Variants in EPB41L2 observed in about 807,000 individuals in gnomAD.
EPB41L2 encodes erythrocyte membrane protein band 4.1 like 2.
Under a neutral mutation model 113.0 loss-of-function variants are expected in EPB41L2, and 43 were observed. The observed-to-expected ratio is 0.38, with a 90% confidence interval of 0.30 to 0.49. EPB41L2 has a LOEUF of 0.49. Among genes scored for constraint, EPB41L2 ranks in the 20% least tolerant of loss-of-function variants. The probability of loss-of-function intolerance (pLI) is 0.95; values close to 1 mark genes in which losing one functional copy is unlikely to be tolerated. For missense variants in EPB41L2, 1,147 were observed against 1,223.4 expected (o/e 0.94, Z 0.93); for synonymous variants, 442 against 436.7 (o/e 1.01, Z -0.15).
At chr6:130,961,825 T>C (rs947723008) in intron 1 of EPB41L2, among the ~76,000 whole-genome samples, 1 of 152,270 alleles carries the variant, frequency 6.6e-6, no homozygotes, top group South Asian at 2.1e-4. Flanking sequence ...GGATCCAAGA[T>C]TCACAAAATG....
intron 14 of EPB41L2, among the ~76,000 whole-genome samples, chr6:130,872,786 T>C (rs914431814): frequency 9.2e-5 from 14 of 152,208 alleles, no homozygotes; most frequent in African/African-American, 3.4e-4. Flanking sequence ...ACTGCTTGGC[T>C]GATCACCAAC....
Position 130,956,018 on chromosome 6 carries a change from G to A in EPB41L2, c.468C>T (p.Pro156=), listed in dbSNP as rs1817324243. The change falls in exon 2 of 20, where the codon CCC becomes CCT. Residue 156 remains proline (P), a synonymous_variant. Coordinates refer to ENST00000337057, the MANE Select transcript of EPB41L2 (RefSeq NM_001431.4). ...CCTGCATCTCCACTTTGCTCACTGA[G>A]GGTTTTTCTTCCTTGCTCACTGAGG... is the stretch of plus-strand genomic sequence containing the variant. ...EKPSVSKEEK[P]SVSKVEMQPT... 2 of 1,612,364 alleles carry A rather than the reference G, an allele frequency of 1.2e-6. No homozygotes were observed. The highest frequency in any genetic ancestry group is 1.3e-5 in the African/African-American group (1 of 74,720).
intron 1 of EPB41L2, among the ~76,000 whole-genome samples, chr6:131,055,798 T>C (rs1197306320): frequency 6.6e-6 from 1 of 151,958 alleles, no homozygotes; most frequent in Non-Finnish European, 1.5e-5. Flanking sequence ...ATATGTAAAG[T>C]ACCAATTATA....
In EPB41L2 at chr6:131,036,831, T is replaced by C. The variant is rs150812164; in HGVS notation, c.-15+26324A>G. On this transcript the variant is annotated intron_variant, in intron 1 of 19. Transcript: ENST00000337057. ...GGTTAACTAATAGGACATCTGAGAATAGGCCAGAAGTGATGAGACAGAATT... is the reference window on the plus strand; with the variant it reads ...GGTTAACTAATAGGACATCTGAGAACAGGCCAGAAGTGATGAGACAGAATT... Among the ~76,000 whole-genome samples the C allele has an allele frequency of 1.4e-3, 209 of 152,278 alleles. 2 individuals are homozygous for C. The highest frequency in any genetic ancestry group is 4.7e-3 in the African/African-American group (196 of 41,572).
chr6:130,954,070 T>G (rs1227266071), intron 3 of EPB41L2, among the ~76,000 whole-genome samples: 1 of 116,600 alleles, frequency 8.6e-6, no homozygotes, highest in African/African-American at 3.7e-5. Flanking sequence ...TTTTTTTTTT[T>G]GAGACGGAGT....
At chr6:130,977,470 C>T (rs1486934441) in intron 1 of EPB41L2, among the ~76,000 whole-genome samples, 2 of 152,048 alleles carry the variant, frequency 1.3e-5, no homozygotes, top group Non-Finnish European at 2.9e-5. Flanking sequence ...AGGGGAGACA[C>T]ACTGTTAAGG....
intron 1 of EPB41L2, among the ~76,000 whole-genome samples, chr6:131,014,796 G>C (rs1263772682): frequency 6.6e-6 from 1 of 152,198 alleles, no homozygotes; most frequent in Non-Finnish European, 1.5e-5. Context: ...TTTTCAGTCA[G>C]AGTCCAACAT....
At chr6:130,908,734 G>T in intron 5 of EPB41L2, 87 bp downstream of exon 5, 1 of 1,035,936 alleles carries the variant, frequency 9.7e-7, no homozygotes, top group Non-Finnish European at 1.4e-6. Flanking sequence ...ATGCAAAATA[G>T]AACTGACCAT....
chr6:130,978,444 A>G (rs753967565), intron 1 of EPB41L2, among the ~76,000 whole-genome samples: 8 of 152,314 alleles, frequency 5.3e-5, no homozygotes, highest in Non-Finnish European at 1.0e-4. Flanking sequence ...TTAGCTCTCC[A>G]TAATTTGAGA....
Position 131,042,652 on chromosome 6 carries a change from G to C in EPB41L2, c.-15+20503C>G, listed in dbSNP as rs951662154. On this transcript the variant is annotated intron_variant, in intron 1 of 19. Transcript: ENST00000337057. ...CACTTTTATCCTTCTACTTCTAACT[G>C]TCAAGGAAGAAGAGGGGGAAAAAAA... 2.8e-5 allele frequency among the ~76,000 whole-genome samples: 4 copies of C among 144,868 alleles called. No homozygotes were observed. In the East Asian group the frequency reaches 7.8e-4, roughly 28 times the overall value.
At chr6:130,842,528 G>C (rs956500492) in intron 19 of EPB41L2, among the ~76,000 whole-genome samples, 1 of 151,854 alleles carries the variant, frequency 6.6e-6, no homozygotes, top group African/African-American at 2.4e-5. Context: ...ATTTTGCCTA[G>C]TTTATGTTAT....
chr6:130,843,493 G>A (rs1022440606), intron 19 of EPB41L2, among the ~76,000 whole-genome samples: 1 of 152,062 alleles, frequency 6.6e-6, no homozygotes, highest in Non-Finnish European at 1.5e-5. Flanking sequence ...AATACAAATT[G>A]GCAGGCATTA....
In EPB41L2 at chr6:130,900,993, C is replaced by G; in HGVS notation, c.1117G>C (p.Glu373Gln). The G allele has an allele frequency of 6.2e-7, 1 of 1,614,198 alleles. No homozygotes were observed. Among genetic ancestry groups the G allele is most frequent in the Non-Finnish European group, 8.5e-7 (1 of 1,180,018 alleles). The change falls in exon 7 of 20, where the codon GAG (glutamate) becomes CAG (glutamine). Residue 373 changes from glutamate (E) to glutamine (Q), a missense_variant. Transcript: ENST00000337057. ...FAPTQTKELE[E>Q]KVAELHKTHR... ...GTTTTGTGCAGCTCTGCCACCTTCTCTTCCAGCTCCTTAGTCTGAGTAGGG... is the reference window on the plus strand; with the variant it reads ...GTTTTGTGCAGCTCTGCCACCTTCTGTTCCAGCTCCTTAGTCTGAGTAGGG...
At chr6:130,868,953 C>T (rs1173825866) in intron 15 of EPB41L2, 1 of 152,470 alleles carries the variant, frequency 6.6e-6, no homozygotes, top group Non-Finnish European at 1.5e-5. Flanking sequence ...AAAAGAAAGG[C>T]TCTTAACAAA....
chr6:130,962,300 T>G (rs1773786545), intron 1 of EPB41L2, among the ~76,000 whole-genome samples: 2 of 145,680 alleles, frequency 1.4e-5, no homozygotes, highest in African/African-American at 2.6e-5. Flanking sequence ...GGAAGTGGGG[T>G]GGGAAGGGGA....
chr6:131,054,788 T>C lies in EPB41L2; in HGVS notation c.-15+8367A>G, dbSNP rs374126523. Among the ~76,000 whole-genome samples the C allele has an allele frequency of 2.5e-3, 380 of 152,380 alleles. 3 individuals are homozygous for C. Among genetic ancestry groups the C allele is most frequent in the African/African-American group, 8.0e-3 (333 of 41,600 alleles). On this transcript the variant is annotated intron_variant, in intron 1 of 19. Transcript: ENST00000337057. Reference sequence around the variant, plus strand: ...CCAGGGGAAGAAGAAAAGAGCTCCCTGCTTCTAGTGAGCAAAGGCAGCCCC... The same window carrying C: ...CCAGGGGAAGAAGAAAAGAGCTCCCCGCTTCTAGTGAGCAAAGGCAGCCCC...
chr6:130,880,563 C>A, intron 12 of EPB41L2: 1 of 563,124 alleles, frequency 1.8e-6, no homozygotes, highest in Non-Finnish European at 3.1e-6. Context: ...TGCAAAGAAG[C>A]TGTATTTGAA....
intron 3 of EPB41L2, among the ~76,000 whole-genome samples, chr6:130,937,378 A>C (rs1308155967): frequency 3.9e-5 from 6 of 152,236 alleles, no homozygotes; most frequent in African/African-American, 1.4e-4. Flanking sequence ...ATCTGCCTGC[A>C]TACTCCAAAT....
intron 3 of EPB41L2, among the ~76,000 whole-genome samples, chr6:130,943,066 T>A (rs534926043): frequency 1.2e-4 from 19 of 152,234 alleles, no homozygotes; most frequent in African/African-American, 4.3e-4. Flanking sequence ...TACATGTGCA[T>A]GTGTCTTTTT....
Sources: gnomAD v4.1 joint callset for allele counts (sites outside exome capture counted in the v4.1 genomes callset) on GRCh38, gnomAD v4.1.1 for gene constraint, MANE v1.5 for transcripts, NCBI Gene and HGNC (gene_info 2026-07-23, HGNC 2026-07-21) for gene names.